The following RALYL variants were observed in gnomAD, a reference collection of about 807,000 sequenced individuals.
The protein encoded by RALYL is RALY RNA binding protein like.
RALYL carries 29 observed loss-of-function variants against 35.1 expected under a neutral mutation model. That is an observed-to-expected ratio of 0.83 (90% CI 0.61 to 1.13). RALYL has a LOEUF of 1.13. Among genes scored for constraint, RALYL ranks in the 50% most tolerant of loss-of-function variants. RALYL has a pLI of 0.00. For synonymous variants in RALYL, 120 were observed against 127.6 expected, an observed-to-expected ratio of 0.94 and a Z score of 0.40; for missense variants, 359 against 360.4, an observed-to-expected ratio of 1.00 and a Z score of 0.03.
chr8:84,561,062 T>A (rs1420988787), intron 2 of RALYL, among the ~76,000 whole-genome samples: 1 of 152,070 alleles, frequency 6.6e-6, no homozygotes, highest in Non-Finnish European at 1.5e-5. Context: ...TTTTATTGAA[T>A]ACAATATGCC....
intron 1 of RALYL, among the ~76,000 whole-genome samples, chr8:84,412,368 A>C (rs891821771): frequency 1.1e-4 from 17 of 151,936 alleles, no homozygotes; most frequent in Non-Finnish European, 1.5e-5. Flanking sequence ...TTTTCTGACT[A>C]TGATAAAAGC....
At chr8:84,785,716 G>A (rs1819282289) in intron 3 of RALYL, among the ~76,000 whole-genome samples, 1 of 152,114 alleles carries the variant, frequency 6.6e-6, no homozygotes, top group Non-Finnish European at 1.5e-5. Flanking sequence ...ATAATAGTGA[G>A]TAATCTGATC....
At chr8:84,270,138 G>T (rs1834024493) in intron 1 of RALYL, among the ~76,000 whole-genome samples, 1 of 152,130 alleles carries the variant, frequency 6.6e-6, no homozygotes, top group South Asian at 2.1e-4. Context: ...AGTCATTACA[G>T]CCCAGTTCTT....
At chr8:84,737,447 A>C (rs1008383501) in intron 2 of RALYL, among the ~76,000 whole-genome samples, 6 of 152,118 alleles carry the variant, frequency 3.9e-5, no homozygotes, top group Admixed American at 2.0e-4. Context: ...CTAATAATCT[A>C]TATCTTGCAG....
At chr8:84,598,919 G>T (rs959500564) in intron 2 of RALYL, among the ~76,000 whole-genome samples, 4 of 151,996 alleles carry the variant, frequency 2.6e-5, no homozygotes, top group Non-Finnish European at 5.9e-5. Flanking sequence ...CTCTCTCCAC[G>T]TTCTAGCTAG....
chr8:84,368,885 G>C (rs1270669204), intron 1 of RALYL, among the ~76,000 whole-genome samples: 1 of 152,092 alleles, frequency 6.6e-6, no homozygotes, highest in Non-Finnish European at 1.5e-5. Flanking sequence ...AATAAACTTA[G>C]TATTCATAAA....
chr8:84,240,731 G>A (rs1455082948), intron 1 of RALYL, among the ~76,000 whole-genome samples: 2 of 152,170 alleles, frequency 1.3e-5, no homozygotes, highest in Non-Finnish European at 2.9e-5. Flanking sequence ...TTCCAGCTAA[G>A]TTGTAGACTT....
chr8:84,473,701 G>A (rs1417778221), intron 1 of RALYL, among the ~76,000 whole-genome samples: 1 of 151,174 alleles, frequency 6.6e-6, no homozygotes, highest in Admixed American at 6.6e-5. Flanking sequence ...GTGTCCTTTG[G>A]GTTTTCATTG....
At chr8:84,786,289 A>G (rs983893426) in intron 3 of RALYL, among the ~76,000 whole-genome samples, 3 of 152,182 alleles carry the variant, frequency 2.0e-5, no homozygotes, top group Admixed American at 6.5e-5. Flanking sequence ...CAATGAACAT[A>G]TGTGTGCATG....
chr8:84,807,200 G>T (rs949641500), intron 4 of RALYL, among the ~76,000 whole-genome samples: 1 of 152,112 alleles, frequency 6.6e-6, no homozygotes, highest in Admixed American at 6.6e-5. Context: ...AAAGTCCATT[G>T]TATCATTCTT....
intron 1 of RALYL, among the ~76,000 whole-genome samples, chr8:84,242,802 C>T (rs1180015039): frequency 6.6e-6 from 1 of 152,168 alleles, no homozygotes; most frequent in Admixed American, 6.5e-5. Context: ...TCTGTTCACT[C>T]TTAAGATCAT....
intron 2 of RALYL, among the ~76,000 whole-genome samples, chr8:84,683,838 C>T (rs1055726640): frequency 6.6e-6 from 1 of 152,088 alleles, no homozygotes; most frequent in African/African-American, 2.4e-5. Flanking sequence ...AGGCATGTGC[C>T]ACCATGCCCA....
At chr8:84,788,181 G>C (rs1819979605) in intron 3 of RALYL, among the ~76,000 whole-genome samples, 1 of 151,942 alleles carries the variant, frequency 6.6e-6, no homozygotes, top group South Asian at 2.1e-4. Flanking sequence ...AATCCATCTT[G>C]AGTCAGTTTT....
intron 1 of RALYL, among the ~76,000 whole-genome samples, chr8:84,247,281 A>G (rs886262400): frequency 6.6e-6 from 1 of 152,166 alleles, no homozygotes; most frequent in African/African-American, 2.4e-5. Context: ...CCTAGCATTT[A>G]TTGGACCATT....
chr8:84,515,560 G>A (rs1329847185), intron 1 of RALYL, among the ~76,000 whole-genome samples: 1 of 152,020 alleles, frequency 6.6e-6, no homozygotes, highest in Non-Finnish European at 1.5e-5. Flanking sequence ...TCAAAATTGT[G>A]CTCCTGCTCT....
At chr8:84,824,256 T>C (rs1230663256) in intron 4 of RALYL, among the ~76,000 whole-genome samples, 1 of 72,890 alleles carries the variant, frequency 1.4e-5, no homozygotes, top group Non-Finnish European at 2.7e-5. Context: ...CCATTTACAA[T>C]AGCTGCAAAA....
chr8:84,301,597 GCT>G (rs1840804287), intron 1 of RALYL, among the ~76,000 whole-genome samples: 1 of 151,090 alleles, frequency 6.6e-6, no homozygotes, highest in African/African-American at 2.4e-5. Flanking sequence ...AATTATGATT[GCT>G]CTGTGACCTT....
At chr8:84,385,912 A>G (rs1586762855) in intron 1 of RALYL, among the ~76,000 whole-genome samples, 1 of 151,716 alleles carries the variant, frequency 6.6e-6, no homozygotes, top group Non-Finnish European at 1.5e-5. Flanking sequence ...TGATTTTAGG[A>G]CCAAGTAGCC....
chr8:84,605,569 G>A (rs940232365), intron 2 of RALYL, among the ~76,000 whole-genome samples: 2 of 152,058 alleles, frequency 1.3e-5, no homozygotes, highest in Admixed American at 6.6e-5. Context: ...ACCCTGTTCA[G>A]TTTTCTAGGT....
Sources: gnomAD v4.1 joint callset for allele counts (sites outside exome capture counted in the v4.1 genomes callset) on GRCh38, gnomAD v4.1.1 for gene constraint, MANE v1.5 for transcripts, NCBI Gene and HGNC (gene_info 2026-07-23, HGNC 2026-07-21) for gene names.